FAM78B: variants seen among roughly 807,000 people sequenced by gnomAD.
FAM78B encodes the protein family with sequence similarity 78 member B.
Under a neutral mutation model 20.0 loss-of-function variants are expected in FAM78B, and 10 were observed. That is an observed-to-expected ratio of 0.50 (90% CI 0.31 to 0.85). FAM78B has a LOEUF of 0.85. Among genes scored for constraint, FAM78B ranks in the 40% least tolerant of loss-of-function variants. The pLI is 0.05. For missense variants in FAM78B, 283 were observed against 345.0 expected (o/e 0.82, Z 1.42); for synonymous variants, 135 against 132.8 (o/e 1.02, Z -0.12).
intron 1 of FAM78B, among the ~76,000 whole-genome samples, chr1:166,123,513 C>T (rs1654535821): frequency 6.6e-6 from 1 of 152,258 alleles, no homozygotes; most frequent in Non-Finnish European, 1.5e-5. Context: ...CTCTAAAACA[C>T]ACAACGACCC....
chr1:166,083,554 G>C (rs1001107966), intron 1 of FAM78B, among the ~76,000 whole-genome samples: 4 of 152,218 alleles, frequency 2.6e-5, no homozygotes, highest in Non-Finnish European at 4.4e-5. Context: ...ACCCAGGCTG[G>C]AGTGCGGTGG....
chr1:166,102,493 A>C lies in FAM78B; in HGVS notation c.264-31730T>G, dbSNP rs148154933. Among the ~76,000 whole-genome samples the C allele has an allele frequency of 3.4e-3, 512 of 152,344 alleles. 3 individuals are homozygous for C. The highest frequency in any genetic ancestry group is 0.012 in the African/African-American group (485 of 41,578). On this transcript the variant is annotated intron_variant, in intron 1 of 1. Transcript: ENST00000354422. ...ATCTGTAGAGACAAACATAGGCTCA[A>C]AATAAAGGGATGGAGGAAGATCTAC...
At chr1:166,159,910 G>A (rs2101805700) in intron 1 of FAM78B, among the ~76,000 whole-genome samples, 1 of 152,312 alleles carries the variant, frequency 6.6e-6, no homozygotes, top group Admixed American at 6.5e-5. Flanking sequence ...GAGATTAAAG[G>A]CAAAGGGTCA....
intron 1 of FAM78B, among the ~76,000 whole-genome samples, chr1:166,144,604 G>A (rs919374210): frequency 6.6e-6 from 1 of 152,154 alleles, no homozygotes; most frequent in Non-Finnish European, 1.5e-5. Flanking sequence ...TGGGCGGAAA[G>A]GGGGGCAGAG....
intron 1 of FAM78B, among the ~76,000 whole-genome samples, chr1:166,130,064 C>G (rs1654817115): frequency 6.6e-6 from 1 of 152,350 alleles, no homozygotes; most frequent in South Asian, 2.1e-4. Context: ...CCAAACATCA[C>G]CTCCTCTGTG....
At chr1:166,115,039 T>C (rs1386054562) in intron 1 of FAM78B, among the ~76,000 whole-genome samples, 1 of 152,162 alleles carries the variant, frequency 6.6e-6, no homozygotes, top group Non-Finnish European at 1.5e-5. Context: ...GGTATGACTG[T>C]CCTCTCAAGA....
In FAM78B at chr1:166,143,690, A is replaced by C. The variant is rs576406522; in HGVS notation, c.263+22296T>G. Reference sequence around the variant, plus strand: ...TGATGGGAGGCCATGGCAGTAATGAAGGTGAGAGGCAGTGAGGGTTGCTCT... The same window carrying C: ...TGATGGGAGGCCATGGCAGTAATGACGGTGAGAGGCAGTGAGGGTTGCTCT... On this transcript the variant is annotated intron_variant, in intron 1 of 1. Coordinates refer to ENST00000354422, the MANE Select transcript of FAM78B (RefSeq NM_001017961.5). Among the ~76,000 whole-genome samples, 5 of 152,232 alleles carry C rather than the reference A, an allele frequency of 3.3e-5. No homozygotes were observed. In the South Asian group the frequency reaches 1.0e-3, roughly 32 times the overall value.
At chr1:166,086,424 G>T (rs190887126) in intron 1 of FAM78B, among the ~76,000 whole-genome samples, 6 of 152,258 alleles carry the variant, frequency 3.9e-5, no homozygotes, top group African/African-American at 1.4e-4. Context: ...GCAGGGTAAG[G>T]GTGGGAAGAT....
chr1:166,146,152 T>C (rs12239225), intron 1 of FAM78B, among the ~76,000 whole-genome samples: 5,678 of 152,272 alleles, frequency 0.037, 344 homozygotes, highest in African/African-American at 0.13. Context: ...GAATCTTCCC[T>C]GAGGACAATT....
chr1:166,106,726 A>G (rs1476536715), intron 1 of FAM78B, among the ~76,000 whole-genome samples: 1 of 152,118 alleles, frequency 6.6e-6, no homozygotes, highest in Non-Finnish European at 1.5e-5. Flanking sequence ...TTGGAGGGGG[A>G]GAGAGGGAGG....
At chr1:166,118,960 G>A (rs1400357179) in intron 1 of FAM78B, among the ~76,000 whole-genome samples, 2 of 152,108 alleles carry the variant, frequency 1.3e-5, no homozygotes, top group Non-Finnish European at 2.9e-5. Flanking sequence ...GGGCAGAGGT[G>A]AAGTGACTGG....
At chr1:166,150,765 C>A (rs1655643440) in intron 1 of FAM78B, among the ~76,000 whole-genome samples, 1 of 151,964 alleles carries the variant, frequency 6.6e-6, no homozygotes, top group Non-Finnish European at 1.5e-5. Flanking sequence ...ATCTTATGGA[C>A]AACAAGAAAT....
chr1:166,106,586 A>G (rs1398458982), intron 1 of FAM78B, among the ~76,000 whole-genome samples: 1 of 152,142 alleles, frequency 6.6e-6, no homozygotes, highest in Non-Finnish European at 1.5e-5. Flanking sequence ...ATTTAAGAGC[A>G]TTTAAGGGCA....
chr1:166,099,037 C>T (rs1653395962), intron 1 of FAM78B, among the ~76,000 whole-genome samples: 2 of 152,190 alleles, frequency 1.3e-5, no homozygotes, highest in South Asian at 4.1e-4. Context: ...ATTAGATTAA[C>T]AGCAGATTTC....
At chr1:166,089,333 C>G (rs966043978) in intron 1 of FAM78B, among the ~76,000 whole-genome samples, 1 of 152,170 alleles carries the variant, frequency 6.6e-6, no homozygotes, top group Admixed American at 6.5e-5. Flanking sequence ...CTGCTACTGA[C>G]GAGGATCCAC....
rs938398428 is a variant in FAM78B at position 166,098,706 on chromosome 1, A to T, written c.264-27943T>A. 3.3e-5 allele frequency among the ~76,000 whole-genome samples: 5 copies of T among 152,112 alleles called. No homozygotes were observed. In the South Asian group the frequency reaches 1.0e-3, roughly 32 times the overall value. On this transcript the variant is annotated intron_variant, in intron 1 of 1. Coordinates refer to ENST00000354422, the MANE Select transcript of FAM78B (RefSeq NM_001017961.5). ...CCAACAAAGACAAAGAAAAAAGAAT[A>T]AAATATGAACAAAGCCTGCAAGAAG...
At chr1:166,134,772 T>C (rs759252480) in intron 1 of FAM78B, among the ~76,000 whole-genome samples, 3 of 152,230 alleles carry the variant, frequency 2.0e-5, no homozygotes, top group Non-Finnish European at 2.9e-5. Context: ...TGCTCTCTAA[T>C]GTCCCTTTAA....
intron 1 of FAM78B, among the ~76,000 whole-genome samples, chr1:166,134,656 A>G (rs904751210): frequency 6.6e-6 from 1 of 152,180 alleles, no homozygotes; most frequent in Non-Finnish European, 1.5e-5. Flanking sequence ...AGTAGGTCAG[A>G]CCAGCATTCA....
chr1:166,158,140 T>C (rs918822456), intron 1 of FAM78B, among the ~76,000 whole-genome samples: 1 of 152,120 alleles, frequency 6.6e-6, no homozygotes, highest in African/African-American at 2.4e-5. Flanking sequence ...ACCCCCTTCC[T>C]GGGAGATAAG....
Sources: allele counts gnomAD v4.1 joint callset (sites outside exome capture counted in the v4.1 genomes callset), GRCh38; gene constraint gnomAD v4.1.1; transcripts MANE v1.5; gene names NCBI Gene and HGNC (gene_info 2026-07-23, HGNC 2026-07-21).